The following NPAS3 variants were observed in gnomAD, a reference collection of about 807,000 sequenced individuals.
NPAS3 encodes the protein neuronal PAS domain-containing protein 3.
A neutral mutation model predicts 73.1 loss-of-function variants in NPAS3; 14 were observed. That is an observed-to-expected ratio of 0.19 (90% CI 0.13 to 0.30). The LOEUF (loss-of-function observed/expected upper bound fraction) is 0.30, where lower values mean the gene tolerates loss of function less well. Among genes scored for constraint, NPAS3 ranks in the 10% least tolerant of loss-of-function variants. The pLI, the probability that NPAS3 is intolerant of heterozygous loss-of-function variation, is 1.00. For synonymous variants in NPAS3, 620 were observed against 541.5 expected (o/e 1.14, Z -2.01); for missense variants, 1,096 against 1,250.0 (o/e 0.88, Z 1.86).
In NPAS3 at chr14:32,961,271, G is replaced by A. The variant is rs2036903116; in HGVS notation, c.50+21905G>A. Among the ~76,000 whole-genome samples, 3 of 152,022 alleles carry A rather than the reference G, an allele frequency of 2.0e-5. No homozygotes were observed. The South Asian group carries it at 6.2e-4, about 32-fold the overall frequency. Reference sequence around the variant, plus strand: ...CACTAAAATACAAAAAATTAGCCGGGTGTGGTGGCGCGTGCCTGTAGTCCC... The same window carrying A: ...CACTAAAATACAAAAAATTAGCCGGATGTGGTGGCGCGTGCCTGTAGTCCC... On this transcript the variant is annotated intron_variant, in intron 1 of 11. Transcript: ENST00000356141.
intron 4 of NPAS3, among the ~76,000 whole-genome samples, chr14:33,417,722 A>T (rs924051952): frequency 1.3e-5 from 2 of 151,978 alleles, no homozygotes; most frequent in African/African-American, 4.8e-5. Context: ...AACTTTTGTA[A>T]GTTATAAAGC....
At chr14:33,576,194 T>C (rs1240070529) in intron 5 of NPAS3, among the ~76,000 whole-genome samples, 1 of 152,212 alleles carries the variant, frequency 6.6e-6, no homozygotes, top group Non-Finnish European at 1.5e-5. Flanking sequence ...CCCTTTGCAT[T>C]TGGCGTCATA....
intron 2 of NPAS3, among the ~76,000 whole-genome samples, chr14:33,160,250 T>A (rs2044814722): frequency 6.6e-6 from 1 of 152,126 alleles, no homozygotes; most frequent in Non-Finnish European, 1.5e-5. Context: ...TCAATTATAT[T>A]TTCTCTGTTT....
At chr14:33,161,477 TC>T (rs1275062437) in intron 2 of NPAS3, among the ~76,000 whole-genome samples, 3 of 152,208 alleles carry the variant, frequency 2.0e-5, no homozygotes, top group Non-Finnish European at 4.4e-5. Context: ...ACCACTGTCT[TC>T]TAATCAACAA....
chr14:32,944,188 T>G (rs1171942217), intron 1 of NPAS3, among the ~76,000 whole-genome samples: 1 of 152,192 alleles, frequency 6.6e-6, no homozygotes, highest in Non-Finnish European at 1.5e-5. Context: ...TTAACACTCA[T>G]GAAAGCAGAG....
intron 1 of NPAS3, among the ~76,000 whole-genome samples, chr14:32,993,836 A>C (rs927346435): frequency 6.6e-6 from 1 of 152,238 alleles, no homozygotes; most frequent in Non-Finnish European, 1.5e-5. Flanking sequence ...ATATATCTTC[A>C]TGGTTCTGTA....
intron 5 of NPAS3, among the ~76,000 whole-genome samples, chr14:33,668,736 T>C (rs1251808058): frequency 6.6e-6 from 1 of 152,148 alleles, no homozygotes; most frequent in African/African-American, 2.4e-5. Context: ...GGAGGATCGC[T>C]TGAGCCCAGG....
At chr14:33,413,257 T>C (rs1043303587) in intron 4 of NPAS3, among the ~76,000 whole-genome samples, 3 of 152,118 alleles carry the variant, frequency 2.0e-5, no homozygotes, top group African/African-American at 7.2e-5. Flanking sequence ...TCTTTTTTTT[T>C]TTCTGGGAAA....
chr14:33,468,491 T>TC (rs1374089607), intron 4 of NPAS3, among the ~76,000 whole-genome samples: 11 of 152,196 alleles, frequency 7.2e-5, no homozygotes, highest in Admixed American at 7.2e-4. Context: ...TCTCTTTTTT[T>TC]CCTCTAAAAA....
intron 7 of NPAS3, among the ~76,000 whole-genome samples, chr14:33,768,037 T>C (rs913726483): frequency 2.0e-5 from 3 of 152,276 alleles, no homozygotes; most frequent in Admixed American, 6.5e-5. Flanking sequence ...TCACACACAG[T>C]CACTCCTTGC....
intron 2 of NPAS3, among the ~76,000 whole-genome samples, chr14:33,173,889 A>T (rs2045488938): frequency 6.6e-6 from 1 of 152,212 alleles, no homozygotes. Flanking sequence ...AAACATGATG[A>T]TTGTCAGAGA....
chr14:33,475,874 A>G (rs2051007295), intron 4 of NPAS3, among the ~76,000 whole-genome samples: 1 of 152,140 alleles, frequency 6.6e-6, no homozygotes, highest in Admixed American at 6.6e-5. Context: ...CCAGAGTGAA[A>G]TAAATTCTGC....
At chr14:33,486,887 T>C (rs978753487) in intron 4 of NPAS3, among the ~76,000 whole-genome samples, 3 of 152,210 alleles carry the variant, frequency 2.0e-5, no homozygotes, top group Non-Finnish European at 4.4e-5. Flanking sequence ...ACTTTCCTGA[T>C]CCTGTTCAGC....
At chr14:33,524,214 T>G (rs910961153) in intron 4 of NPAS3, among the ~76,000 whole-genome samples, 2 of 152,150 alleles carry the variant, frequency 1.3e-5, no homozygotes, top group South Asian at 4.1e-4. Context: ...TACAACTGCA[T>G]CCTGTTCCTT....
chr14:33,308,523 T>TACAC (rs1347327819), intron 3 of NPAS3, among the ~76,000 whole-genome samples: 12 of 88,832 alleles, frequency 1.4e-4, no homozygotes, highest in African/African-American at 4.6e-4. Flanking sequence ...TATATATATA[T>TACAC]ATATACATAC....
chr14:33,544,820 A>ATATATT lies in NPAS3; in HGVS notation c.469-15301_469-15300insTATATT, dbSNP rs11377851. 4.0e-3 allele frequency among the ~76,000 whole-genome samples: 391 copies of ATATATT among 98,412 alleles called. 23 individuals carry two copies. Among genetic ancestry groups the ATATATT allele is most frequent in the African/African-American group, 7.5e-3 (138 of 18,460 alleles). 64.6% of individuals were successfully genotyped at this position (98,412 alleles called of 152,430 possible). A position where few individuals can be genotyped will look rare whatever the true frequency, so the allele number is the denominator to read the frequency against. ...TATATATATATATATATGTATATAT[A>ATATATT]ATATATATGTGTATATATATATTAT... is the stretch of plus-strand genomic sequence containing the variant. On this transcript the variant is annotated intron_variant, in intron 4 of 11. Transcript: ENST00000356141.
chr14:33,760,495 A>G lies in NPAS3; in HGVS notation c.853-13842A>G, dbSNP rs1031771135. ...TGATACAGGATCATTTGGACACTTC[A>G]AAAACATTATTTGACCGTGTAGAGA... On this transcript the variant is annotated intron_variant, in intron 7 of 11. Coordinates refer to ENST00000356141, the Ensembl canonical transcript of NPAS3. 4.6e-5 allele frequency among the ~76,000 whole-genome samples: 7 copies of G among 152,194 alleles called. No homozygotes were observed. In the East Asian group the frequency reaches 5.8e-4, roughly 13 times the overall value.
At chr14:33,410,487 A>G (rs1050557248) in intron 4 of NPAS3, among the ~76,000 whole-genome samples, 1 of 152,200 alleles carries the variant, frequency 6.6e-6, no homozygotes, top group Non-Finnish European at 1.5e-5. Context: ...ATTAATAACT[A>G]GAATGCTGTT....
chr14:33,702,462 C>T (rs1445341238), intron 6 of NPAS3, among the ~76,000 whole-genome samples: 1 of 152,132 alleles, frequency 6.6e-6, no homozygotes, highest in Non-Finnish European at 1.5e-5. Context: ...AATAGCAATA[C>T]TTTGTGAGGT....
Sources: gnomAD v4.1 joint callset for allele counts (sites outside exome capture counted in the v4.1 genomes callset) on GRCh38, gnomAD v4.1.1 for gene constraint, MANE v1.5 for transcripts, NCBI Gene and HGNC (gene_info 2026-07-23, HGNC 2026-07-21) for gene names.